The following COL13A1 variants were observed in gnomAD, a reference collection of about 807,000 sequenced individuals.
COL13A1 encodes the protein collagen type XIII alpha 1 chain, also known as collagen alpha-1(XIII) chain.
Under a neutral mutation model 130.9 loss-of-function variants are expected in COL13A1, and 89 were observed. The ratio of observed to expected loss-of-function variants is 0.68; its 90% CI spans 0.57 to 0.81. The LOEUF is 0.81. COL13A1 is among the 30% of genes least tolerant of loss of function. COL13A1 has a pLI of 0.00. For missense variants in COL13A1, 879 were observed against 934.6 expected, an observed-to-expected ratio of 0.94 and a Z score of 0.78; for synonymous variants, 402 against 341.6, an observed-to-expected ratio of 1.18 and a Z score of -1.95.
intron 2 of COL13A1, among the ~76,000 whole-genome samples, chr10:69,835,962 G>A (rs1321484596): frequency 6.6e-6 from 1 of 152,220 alleles, no homozygotes; most frequent in Non-Finnish European, 1.5e-5. Context: ...TTCCATAGAA[G>A]ACTGGGGCCC....
At chr10:69,834,706 G>A (rs879918413) in intron 2 of COL13A1, among the ~76,000 whole-genome samples, 1 of 152,176 alleles carries the variant, frequency 6.6e-6, no homozygotes, top group South Asian at 2.1e-4. Context: ...CAGCGCCTTT[G>A]CCCTCCGGAC....
intron 2 of COL13A1, among the ~76,000 whole-genome samples, chr10:69,846,398 G>A (rs901815301): frequency 3.3e-5 from 5 of 152,078 alleles, no homozygotes; most frequent in Admixed American, 2.6e-4. Flanking sequence ...GGGGAGGGGC[G>A]GTGACAGACA....
intron 2 of COL13A1, among the ~76,000 whole-genome samples, chr10:69,840,752 A>G (rs112202636): frequency 1.3e-5 from 2 of 152,296 alleles, no homozygotes; most frequent in African/African-American, 4.8e-5. Context: ...AGGGGCCCTC[A>G]AAGGCCCCTG....
chr10:69,898,858 T>A (rs2061920211), intron 14 of COL13A1, 96 bp downstream of exon 14: 2 of 923,092 alleles, frequency 2.2e-6, no homozygotes, highest in Non-Finnish European at 1.6e-6. Context: ...TCTCTCTAAT[T>A]CAGTGAAATT....
At chr10:69,875,290 C>G in intron 5 of COL13A1, 127 bp downstream of exon 5, 1 of 1,153,102 alleles carries the variant, frequency 8.7e-7, no homozygotes, top group South Asian at 1.3e-5. Context: ...TTTCCCTTCC[C>G]CAAGCCCCAG....
intron 22 of COL13A1, 49 bp downstream of exon 22, chr10:69,921,984 C>T: frequency 6.4e-7 from 1 of 1,556,182 alleles, no homozygotes; most frequent in Non-Finnish European, 8.7e-7. Context: ...CACCCACATC[C>T]CATACCTGGC....
In COL13A1 at chr10:69,921,908, T is replaced by G. The variant is rs1177362074; in HGVS notation, c.1116T>G (p.Pro372=). 1.2e-6 allele frequency: 2 copies of G among 1,607,490 alleles called. No individual in the cohort carries two copies. The highest frequency in any genetic ancestry group is 2.2e-5 in the East Asian group (1 of 44,690). ...GTGAGAAGGGGGCTGAAGGCTCCCCTGGGCTTCCTGGCCTCCTGGGGCAGA... is the reference window on the plus strand; with the variant it reads ...GTGAGAAGGGGGCTGAAGGCTCCCCGGGGCTTCCTGGCCTCCTGGGGCAGA... The part of the protein sequence containing the change: ...QRGEKGAEGS[P]GLPGLLGQKG... Residue 372 remains proline (P), a synonymous_variant, in exon 22 of 41, where the codon CCT becomes CCG. Coordinates refer to ENST00000645393, the MANE Select transcript of COL13A1 (RefSeq NM_001368882.1).
chr10:69,868,675 C>A (rs1016699321), intron 3 of COL13A1, among the ~76,000 whole-genome samples: 1 of 152,130 alleles, frequency 6.6e-6, no homozygotes, highest in African/African-American at 2.4e-5. Context: ...AGTTGTTTTC[C>A]TCTTGATGTG....
intron 9 of COL13A1, among the ~76,000 whole-genome samples, chr10:69,888,918 GACCCATC>G (rs1264999453): frequency 2.6e-5 from 4 of 152,186 alleles, no homozygotes; most frequent in Admixed American, 1.3e-4. Context: ...AAGGGAGCAT[GACCCATC>G]CAAAGCCCTC....
At chr10:69,957,711 C>T (rs1243053834) in intron 40 of COL13A1, among the ~76,000 whole-genome samples, 1 of 152,198 alleles carries the variant, frequency 6.6e-6, no homozygotes, top group African/African-American at 2.4e-5. Context: ...CAGGGCTGCC[C>T]AGGCAGACAG....
At chr10:69,859,464 C>T (rs916932695) in intron 2 of COL13A1, among the ~76,000 whole-genome samples, 3 of 152,202 alleles carry the variant, frequency 2.0e-5, no homozygotes, top group Admixed American at 6.5e-5. Context: ...TCTGCTCCTC[C>T]GGCAGTCGCC....
intron 6 of COL13A1, among the ~76,000 whole-genome samples, chr10:69,880,258 C>T (rs1198800924): frequency 6.6e-6 from 1 of 152,128 alleles, no homozygotes; most frequent in Non-Finnish European, 1.5e-5. Flanking sequence ...TGCTGCTTCC[C>T]CCTACTACCT....
chr10:69,859,142 G>A (rs543071179), intron 2 of COL13A1, among the ~76,000 whole-genome samples: 1 of 152,340 alleles, frequency 6.6e-6, no homozygotes, highest in African/African-American at 2.4e-5. Flanking sequence ...CTACTGTGAA[G>A]AGGAAATGAT....
chr10:69,849,590 G>A (rs1854147903), intron 2 of COL13A1, among the ~76,000 whole-genome samples: 1 of 152,110 alleles, frequency 6.6e-6, no homozygotes, highest in African/African-American at 2.4e-5. Context: ...AATTCTGTGG[G>A]ACTCCCTGAC....
intron 1 of COL13A1, among the ~76,000 whole-genome samples, chr10:69,820,665 C>A (rs908608062): frequency 6.6e-6 from 1 of 152,208 alleles, no homozygotes; most frequent in Non-Finnish European, 1.5e-5. Context: ...GTTACTCAGC[C>A]TCCCCTTTCT....
intron 7 of COL13A1, among the ~76,000 whole-genome samples, chr10:69,885,882 G>A (rs570021424): frequency 2.0e-5 from 3 of 152,052 alleles, no homozygotes; most frequent in Non-Finnish European, 4.4e-5. Flanking sequence ...TGCCCTTTTG[G>A]TTGGCTGCCA....
chr10:69,936,366 G>T (rs1305930515), intron 32 of COL13A1, among the ~76,000 whole-genome samples: 2 of 152,214 alleles, frequency 1.3e-5, no homozygotes, highest in Non-Finnish European at 2.9e-5. Context: ...CTCTGTTGTG[G>T]ATGGTAGAAG....
chr10:69,901,185 G>A (rs1223754606), intron 14 of COL13A1, among the ~76,000 whole-genome samples: 2 of 152,134 alleles, frequency 1.3e-5, no homozygotes, highest in African/African-American at 2.4e-5. Context: ...ACATGCAGCC[G>A]GGTGGGGGAC....
Position 69,928,957 on chromosome 10 carries a change from G to T in COL13A1, c.1443G>T (p.Gly481=). 6.2e-7 allele frequency: 1 copy of T among 1,613,398 alleles called. No homozygotes were observed. ...LALMGPPGLP[G]QIGPPGAPGI... ...CCTAGGGGCCTCCTGGTCTTCCTGGGCAAATTGGCCCACCTGGAGCTCCAG... is the reference window on the plus strand; with the variant it reads ...CCTAGGGGCCTCCTGGTCTTCCTGGTCAAATTGGCCCACCTGGAGCTCCAG... Residue 481 remains glycine (G), a synonymous_variant, in exon 28 of 41, where the codon GGG becomes GGT. Transcript: ENST00000645393.
Sources: allele counts gnomAD v4.1 joint callset (sites outside exome capture counted in the v4.1 genomes callset), GRCh38; gene constraint gnomAD v4.1.1; transcripts MANE v1.5; gene names NCBI Gene and HGNC (gene_info 2026-07-23, HGNC 2026-07-21).